IMMP2L: variants seen among roughly 807,000 people sequenced by gnomAD.
The protein encoded by IMMP2L is mitochondrial inner membrane protease subunit 2.
In IMMP2L, 18 loss-of-function variants were observed where a neutral mutation model predicts 19.3. That is an observed-to-expected ratio of 0.93 (90% CI 0.64 to 1.38). IMMP2L has a LOEUF of 1.38. Ranked by LOEUF, IMMP2L falls within the 40% of genes most tolerant of loss-of-function variation. IMMP2L has a pLI of 0.00. For missense variants in IMMP2L, 233 were observed against 218.2 expected (o/e 1.07, Z -0.43); for synonymous variants, 76 against 73.0 (o/e 1.04, Z -0.21).
intron 3 of IMMP2L, among the ~76,000 whole-genome samples, chr7:110,970,212 C>T (rs1455846155): frequency 1.3e-5 from 2 of 152,054 alleles, no homozygotes; most frequent in Non-Finnish European, 2.9e-5. Flanking sequence ...AAACAAATGT[C>T]TTCATTTAAC....
chr7:110,962,820 T>A, intron 4 of IMMP2L: 8 of 1,218,060 alleles, frequency 6.6e-6, no homozygotes, highest in Non-Finnish European at 8.2e-6. Flanking sequence ...ACTTCCTCAA[T>A]GTAGTAGTCA....
intron 5 of IMMP2L, among the ~76,000 whole-genome samples, chr7:110,818,972 C>T (rs1490779549): frequency 3.6e-5 from 3 of 82,414 alleles, no homozygotes; most frequent in Non-Finnish European, 6.7e-5. Context: ...GGGTGGGGGG[C>T]GGGGGGAGGG....
intron 3 of IMMP2L, among the ~76,000 whole-genome samples, chr7:111,416,068 A>C (rs1484965132): frequency 6.6e-6 from 1 of 151,858 alleles, no homozygotes; most frequent in African/African-American, 2.4e-5. Context: ...TCTAAATATT[A>C]ATTATAATTA....
chr7:111,500,584 G>T (rs1354922229), intron 2 of IMMP2L, among the ~76,000 whole-genome samples: 1 of 152,148 alleles, frequency 6.6e-6, no homozygotes, highest in Non-Finnish European at 1.5e-5. Flanking sequence ...ACCTCACATG[G>T]CCGGGTACTC....
intron 3 of IMMP2L, among the ~76,000 whole-genome samples, chr7:111,375,089 T>C (rs1830567300): frequency 6.6e-6 from 1 of 151,982 alleles, no homozygotes; most frequent in Admixed American, 6.6e-5. Context: ...AGAAAGAGAG[T>C]CTTCACTGAT....
intron 3 of IMMP2L, among the ~76,000 whole-genome samples, chr7:111,089,858 A>T (rs2129577642): frequency 6.6e-6 from 1 of 151,896 alleles, no homozygotes; most frequent in African/African-American, 2.4e-5. Flanking sequence ...CCTACTGTTT[A>T]AAATTTTTCC....
intron 5 of IMMP2L, chr7:110,724,200 A>G (rs1163959893): frequency 6.6e-6 from 1 of 152,360 alleles, no homozygotes; most frequent in East Asian, 1.9e-4. Context: ...ATTTATTTAT[A>G]AGTATAAAAC....
At chr7:110,697,005 A>G (rs139400958) in intron 5 of IMMP2L, among the ~76,000 whole-genome samples, 5 of 152,238 alleles carry the variant, frequency 3.3e-5, no homozygotes, top group African/African-American at 1.2e-4. Context: ...TGAGGGTCGA[A>G]ATTCGATTCA....
chr7:111,162,945 G>GA (rs894812353), intron 3 of IMMP2L, among the ~76,000 whole-genome samples: 2 of 152,138 alleles, frequency 1.3e-5, no homozygotes, highest in Admixed American at 6.5e-5. Context: ...GCGCCTGCCT[G>GA]AAAAAAGCTC....
intron 5 of IMMP2L, among the ~76,000 whole-genome samples, chr7:110,848,411 A>G (rs745573295): frequency 3.3e-5 from 5 of 152,118 alleles, no homozygotes; most frequent in African/African-American, 9.7e-5. Context: ...GACAACCCCA[A>G]ATTCTGGTGA....
intron 3 of IMMP2L, among the ~76,000 whole-genome samples, chr7:110,964,532 G>A (rs545044586): frequency 6.6e-6 from 1 of 152,088 alleles, no homozygotes; most frequent in African/African-American, 2.4e-5. Context: ...ACTTAATACA[G>A]ACATCATTTA....
intron 3 of IMMP2L, among the ~76,000 whole-genome samples, chr7:111,331,820 C>G (rs919195997): frequency 1.3e-5 from 2 of 151,748 alleles, no homozygotes; most frequent in African/African-American, 2.4e-5. Context: ...AGTATCCAAG[C>G]TATAAAAAAA....
intron 3 of IMMP2L, among the ~76,000 whole-genome samples, chr7:111,026,050 A>T (rs1826778522): frequency 6.6e-6 from 1 of 152,038 alleles, no homozygotes; most frequent in African/African-American, 2.4e-5. Context: ...ATTAGGAAAA[A>T]TGTGAAAACA....
intron 3 of IMMP2L, among the ~76,000 whole-genome samples, chr7:111,394,561 T>C (rs1317331361): frequency 1.3e-5 from 2 of 152,118 alleles, no homozygotes; most frequent in African/African-American, 4.8e-5. Flanking sequence ...GATGGGGTTA[T>C]GTAAGGTTGT....
chr7:110,724,403 T>G (rs1221830909), intron 5 of IMMP2L: 1 of 152,178 alleles, frequency 6.6e-6, no homozygotes, highest in Admixed American at 6.5e-5. Flanking sequence ...ACTGGGTATC[T>G]TCAATGACAT....
chr7:110,713,769 T>G (rs2130721970), intron 5 of IMMP2L, among the ~76,000 whole-genome samples: 1 of 152,244 alleles, frequency 6.6e-6, no homozygotes, highest in Non-Finnish European at 1.5e-5. Context: ...GAAATGTTAC[T>G]GATTTTTGGA....
At chr7:111,166,477 G>A (rs186263661) in intron 3 of IMMP2L, among the ~76,000 whole-genome samples, 4 of 152,004 alleles carry the variant, frequency 2.6e-5, no homozygotes, top group Admixed American at 2.6e-4. Context: ...AACAATCAAG[G>A]AGCACCTGGG....
chr7:110,901,278 CTGTA>C (rs1811836790), intron 4 of IMMP2L, among the ~76,000 whole-genome samples: 1 of 151,966 alleles, frequency 6.6e-6, no homozygotes, highest in Non-Finnish European at 1.5e-5. Flanking sequence ...AAAACTGTGC[CTGTA>C]TGTATTTTCA....
At chr7:110,797,144 T>C (rs541975599) in intron 5 of IMMP2L, among the ~76,000 whole-genome samples, 77 of 152,096 alleles carry the variant, frequency 5.1e-4, no homozygotes, top group African/African-American at 1.8e-3. Context: ...TCTTTCATGA[T>C]CCTTTTCCTC....
Sources: gnomAD v4.1 joint callset for allele counts (sites outside exome capture counted in the v4.1 genomes callset) on GRCh38, gnomAD v4.1.1 for gene constraint, MANE v1.5 for transcripts, NCBI Gene and HGNC (gene_info 2026-07-23, HGNC 2026-07-21) for gene names.